The following PPM1L variants were observed in gnomAD, a reference collection of about 807,000 sequenced individuals.
The protein encoded by PPM1L is protein phosphatase 1L.
In PPM1L, 13 loss-of-function variants were observed where a neutral mutation model predicts 31.4. The observed-to-expected ratio is 0.41, with a 90% CI of 0.27 to 0.66. The LOEUF is 0.66. Among genes scored for constraint, PPM1L ranks in the 30% least tolerant of loss-of-function variants. The pLI, the probability that PPM1L is intolerant of heterozygous loss-of-function variation, is 0.29. For synonymous variants in PPM1L, 184 were observed against 175.4 expected (o/e 1.05, Z -0.39); for missense variants, 326 against 453.7 (o/e 0.72, Z 2.56).
intron 1 of PPM1L, among the ~76,000 whole-genome samples, chr3:160,909,956 C>A (rs1269914991): frequency 6.6e-6 from 1 of 152,062 alleles, no homozygotes; most frequent in East Asian, 1.9e-4. Flanking sequence ...CTAGTTAATA[C>A]CCCGTAATCC....
chr3:160,970,266 A>T (rs1000614181), intron 2 of PPM1L, among the ~76,000 whole-genome samples: 3 of 152,194 alleles, frequency 2.0e-5, no homozygotes, highest in African/African-American at 7.2e-5. Flanking sequence ...AATAACAAAA[A>T]CATAAGGCTT....
At chr3:160,928,926 C>A (rs927051646) in intron 1 of PPM1L, among the ~76,000 whole-genome samples, 1 of 152,002 alleles carries the variant, frequency 6.6e-6, no homozygotes, top group Non-Finnish European at 1.5e-5. Flanking sequence ...CAGCACAAAT[C>A]GATGAAGACA....
intron 1 of PPM1L, among the ~76,000 whole-genome samples, chr3:160,766,290 TGGTCTG>T (rs1715099943): frequency 6.6e-6 from 1 of 152,214 alleles, no homozygotes; most frequent in Non-Finnish European, 1.5e-5. Flanking sequence ...ATATATGATA[TGGTCTG>T]GGTCTGGGTC....
intron 1 of PPM1L, among the ~76,000 whole-genome samples, chr3:160,928,337 A>G (rs1714670035): frequency 1.3e-5 from 2 of 152,206 alleles, no homozygotes; most frequent in South Asian, 4.1e-4. Flanking sequence ...CACAGGGCAT[A>G]TGGCCTGGTA....
At chr3:160,954,202 G>A (rs1715661856) in intron 1 of PPM1L, among the ~76,000 whole-genome samples, 1 of 152,096 alleles carries the variant, frequency 6.6e-6, no homozygotes, top group Non-Finnish European at 1.5e-5. Context: ...TCAGCACAGT[G>A]CTGGCACATA....
At chr3:161,043,738 C>A (rs1178828062) in intron 2 of PPM1L, among the ~76,000 whole-genome samples, 1 of 152,160 alleles carries the variant, frequency 6.6e-6, no homozygotes, top group East Asian at 1.9e-4. Flanking sequence ...TTTGCTAACA[C>A]TGAAGACTCT....
intron 2 of PPM1L, among the ~76,000 whole-genome samples, chr3:161,030,848 A>G (rs886497363): frequency 6.6e-6 from 1 of 151,624 alleles, no homozygotes; most frequent in African/African-American, 2.4e-5. Flanking sequence ...CTCTGTTGAG[A>G]AAAAAAAAGG....
chr3:160,820,201 C>T (rs962380308), intron 1 of PPM1L, among the ~76,000 whole-genome samples: 2 of 152,004 alleles, frequency 1.3e-5, no homozygotes, highest in Admixed American at 1.3e-4. Flanking sequence ...TGCAGTATTG[C>T]ATTGTCATCA....
At chr3:160,925,985 G>A (rs1341321435) in intron 1 of PPM1L, among the ~76,000 whole-genome samples, 2 of 152,152 alleles carry the variant, frequency 1.3e-5, no homozygotes, top group African/African-American at 4.8e-5. Flanking sequence ...CAGAATTCTA[G>A]CACCAAGGAA....
chr3:160,827,585 C>T (rs1422155027), intron 1 of PPM1L, among the ~76,000 whole-genome samples: 1 of 151,820 alleles, frequency 6.6e-6, no homozygotes, highest in African/African-American at 2.4e-5. Flanking sequence ...TTAAAGATGA[C>T]ACTTGGAGAG....
intron 1 of PPM1L, among the ~76,000 whole-genome samples, chr3:160,832,177 A>G (rs1713541980): frequency 6.6e-6 from 1 of 152,210 alleles, no homozygotes; most frequent in African/African-American, 2.4e-5. Context: ...TAACTAGAGT[A>G]TGGTGAAATG....
intron 1 of PPM1L, among the ~76,000 whole-genome samples, chr3:160,763,806 G>A (rs745687232): frequency 6.6e-5 from 10 of 152,166 alleles, no homozygotes; most frequent in Non-Finnish European, 1.5e-4. Context: ...CAGTGAAGAT[G>A]AAACTCAGGA....
chr3:160,774,462 T>C (rs1456606382), intron 1 of PPM1L, among the ~76,000 whole-genome samples: 1 of 152,186 alleles, frequency 6.6e-6, no homozygotes. Flanking sequence ...AATCTTCTAT[T>C]AATAAACCAA....
At chr3:160,861,108 G>A (rs887091066) in intron 1 of PPM1L, among the ~76,000 whole-genome samples, 7 of 152,170 alleles carry the variant, frequency 4.6e-5, no homozygotes, top group Admixed American at 3.3e-4. Context: ...GGAAGGTCAC[G>A]TAGTGTATCA....
rs186050738 is a variant in PPM1L, at chr3:160,798,039, G to A, written c.399+41332G>A. The stretch of plus-strand genomic sequence containing the variant: ...CTAACAATACAAAAATTAGCTGGGC[G>A]TGGTAGTGCGTGCCTGTAGTCCTAG... On this transcript the variant is annotated intron_variant, in intron 1 of 3. Transcript: ENST00000498165. Among the ~76,000 whole-genome samples the A allele has an allele frequency of 7.0e-3, 1,067 of 152,184 alleles. 11 individuals are homozygous for A. The highest frequency in any genetic ancestry group is 0.025 in the African/African-American group (1,031 of 41,524).
At chr3:160,988,180 A>T (rs1055866279) in intron 2 of PPM1L, among the ~76,000 whole-genome samples, 5 of 152,208 alleles carry the variant, frequency 3.3e-5, no homozygotes, top group African/African-American at 1.2e-4. Flanking sequence ...CCCCTTGTCA[A>T]CTTGTAGAAA....
At chr3:160,984,297 C>T (rs969396648) in intron 2 of PPM1L, among the ~76,000 whole-genome samples, 4 of 152,150 alleles carry the variant, frequency 2.6e-5, no homozygotes, top group Admixed American at 6.5e-5. Flanking sequence ...AAGAATTCAG[C>T]GATACTTCTC....
At chr3:161,031,559 G>C (rs1474720764) in intron 2 of PPM1L, among the ~76,000 whole-genome samples, 1 of 140,498 alleles carries the variant, frequency 7.1e-6, no homozygotes, top group Non-Finnish European at 1.5e-5. Context: ...GGAGTGCAGT[G>C]GTGCGATCAT....
At chr3:160,934,161 T>A (rs61105146) in intron 1 of PPM1L, among the ~76,000 whole-genome samples, 55,558 of 152,188 alleles carry the variant, frequency 0.37, 12,756 homozygotes, top group Non-Finnish European at 0.52. Context: ...TCAAAAAGAA[T>A]GCCTCATGGC....
Sources: gnomAD v4.1 joint callset for allele counts (sites outside exome capture counted in the v4.1 genomes callset) on GRCh38, gnomAD v4.1.1 for gene constraint, MANE v1.5 for transcripts, NCBI Gene and HGNC (gene_info 2026-07-23, HGNC 2026-07-21) for gene names.